Variants in SLC22A24 observed in about 807,000 individuals in gnomAD.
The protein encoded by SLC22A24 is steroid transmembrane transporter SLC22A24.
SLC22A24 carries 53 observed loss-of-function variants against 49.8 expected under a neutral mutation model. The observed-to-expected ratio is 1.06, with a 90% confidence interval of 0.85 to 1.34. The LOEUF is 1.34. SLC22A24 is among the 40% of genes most tolerant of loss of function. The pLI, the probability that SLC22A24 is intolerant of heterozygous loss-of-function variation, is 0.00. For synonymous variants in SLC22A24, 302 were observed against 256.4 expected (o/e 1.18, Z -1.70); for missense variants, 786 against 675.9 (o/e 1.16, Z -1.81).
At chr11:63,109,966 T>A (rs2087150791) in intron 4 of SLC22A24, among the ~76,000 whole-genome samples, 1 of 152,156 alleles carries the variant, frequency 6.6e-6, no homozygotes, top group Non-Finnish European at 1.5e-5. Flanking sequence ...TCTTCTAGGG[T>A]TTTTATGGTT....
In SLC22A24 at chr11:63,083,277, T is replaced by C. The variant is rs1466682511; in HGVS notation, c.1251A>G (p.Gly417=). The C allele has an allele frequency of 2.6e-6, 4 of 1,560,284 alleles. No individual in the cohort carries two copies. The highest frequency in any genetic ancestry group is 3.5e-6 in the Non-Finnish European group (4 of 1,151,136). The part of the protein sequence containing the change: ...ISQILFTFPV[G]LFILVNTFLP... The stretch of plus-strand genomic sequence containing the variant: ...AAAAGGTGTTGACCAGAATGAAAAG[T>C]CCCACCGGGAACGTGAACAATATCT... Residue 417 remains glycine (G), a synonymous_variant, in exon 7 of 10, where the codon GGA becomes GGG. Coordinates refer to ENST00000612278, the MANE Select transcript of SLC22A24 (RefSeq NM_001136506.2).
At chr11:63,095,909 ATGC>A in intron 6 of SLC22A24, 79 bp downstream of exon 6, 1 of 1,032,314 alleles carries the variant, frequency 9.7e-7, no homozygotes, top group Non-Finnish European at 1.5e-6. Flanking sequence ...TGTCCTCCAA[ATGC>A]TGCTGCTAAT....
At chr11:63,125,305 C>T (rs1305826448) in intron 2 of SLC22A24, among the ~76,000 whole-genome samples, 4 of 152,090 alleles carry the variant, frequency 2.6e-5, no homozygotes, top group African/African-American at 7.2e-5. Flanking sequence ...TACTCCTCCC[C>T]TAGCCCTGCA....
intron 4 of SLC22A24, among the ~76,000 whole-genome samples, chr11:63,109,985 A>G (rs1590738240): frequency 1.3e-5 from 2 of 152,134 alleles, no homozygotes; most frequent in East Asian, 3.8e-4. Context: ...TTTTAGATCT[A>G]ACGTTTAAGT....
At chr11:63,115,181 G>A (rs1237791408) in intron 4 of SLC22A24, among the ~76,000 whole-genome samples, 1 of 152,240 alleles carries the variant, frequency 6.6e-6, no homozygotes, top group Non-Finnish European at 1.5e-5. Flanking sequence ...GTGGAATCTA[G>A]AAAGGCAGTA....
At chr11:63,131,518 T>C (rs1283701879) in intron 2 of SLC22A24, among the ~76,000 whole-genome samples, 1 of 152,236 alleles carries the variant, frequency 6.6e-6, no homozygotes, top group East Asian at 1.9e-4. Context: ...AAAGGATTTT[T>C]ATTTCTCCTT....
intron 6 of SLC22A24, among the ~76,000 whole-genome samples, chr11:63,094,975 C>G (rs1157490195): frequency 2.0e-5 from 3 of 151,932 alleles, no homozygotes; most frequent in African/African-American, 7.3e-5. Flanking sequence ...TGCAGAAGCT[C>G]TTTAGTTTAA....
intron 2 of SLC22A24, among the ~76,000 whole-genome samples, chr11:63,120,174 T>G (rs1433859195): frequency 6.6e-6 from 1 of 150,994 alleles, no homozygotes; most frequent in African/African-American, 2.4e-5. Flanking sequence ...GCTTTTGGTG[T>G]TTTAGACATG....
chr11:63,105,295 G>A (rs1295208457), intron 4 of SLC22A24, among the ~76,000 whole-genome samples: 1 of 152,136 alleles, frequency 6.6e-6, no homozygotes, highest in East Asian at 1.9e-4. Context: ...CCAGAGGACA[G>A]TGGCCCCCTT....
intron 2 of SLC22A24, among the ~76,000 whole-genome samples, chr11:63,133,267 C>G (rs1015975499): frequency 2.0e-5 from 3 of 152,184 alleles, no homozygotes; most frequent in African/African-American, 4.8e-5. Context: ...CCTTGCACTT[C>G]CTGGGTGAGG....
At chr11:63,102,050 A>G (rs551224310) in intron 5 of SLC22A24, among the ~76,000 whole-genome samples, 1 of 152,254 alleles carries the variant, frequency 6.6e-6, no homozygotes, top group South Asian at 2.1e-4. Context: ...ACTAAAGTGA[A>G]CAATAATATA....
chr11:63,125,042 A>G lies in SLC22A24; in HGVS notation c.507-5707T>C, dbSNP rs531813694. On this transcript the variant is annotated intron_variant, in intron 2 of 9. Coordinates refer to ENST00000612278, the MANE Select transcript of SLC22A24 (RefSeq NM_001136506.2). Reference sequence around the variant, plus strand: ...TGGGTGCAGCACACCAGCATGGCACATGTATACATATGTAACTAACCTGCA... The same window carrying G: ...TGGGTGCAGCACACCAGCATGGCACGTGTATACATATGTAACTAACCTGCA... 7.3e-4 allele frequency among the ~76,000 whole-genome samples: 111 copies of G among 152,172 alleles called. 1 individual carries two copies. The highest frequency in any genetic ancestry group is 2.6e-3 in the African/African-American group (107 of 41,520).
At position 63,097,231 on chromosome 11, in the gene SLC22A24, G is replaced by GA. The variant is rs5792276; in HGVS notation, c.955-1126dup. 3.5e-4 allele frequency among the ~76,000 whole-genome samples: 52 copies of GA among 149,976 alleles called. 1 individual carries two copies. In the South Asian group the frequency reaches 9.9e-3, roughly 29 times the overall value. ...ACAAGGAACTTAAACAAATTTACAAGAAAAAAAAAACAACCCCATCAAAAA... is the reference window on the plus strand; with the variant it reads ...ACAAGGAACTTAAACAAATTTACAAGAAAAAAAAAAACAACCCCATCAAAAA... On this transcript the variant is annotated intron_variant, in intron 5 of 9. Transcript: ENST00000612278.
chr11:63,101,375 A>G (rs2087089781), intron 5 of SLC22A24, among the ~76,000 whole-genome samples: 1 of 152,062 alleles, frequency 6.6e-6, no homozygotes, highest in South Asian at 2.1e-4. Context: ...GTTGCATATA[A>G]TATTACACTA....
intron 6 of SLC22A24, among the ~76,000 whole-genome samples, chr11:63,088,371 A>ACAACATCATCAT (rs1555045471): frequency 6.6e-6 from 1 of 151,016 alleles, no homozygotes; most frequent in Non-Finnish European, 1.5e-5. Context: ...ACAGAAAGCT[A>ACAACATCATCAT]CAACATCAAC....
At chr11:63,114,718 T>C (rs1420620568) in intron 4 of SLC22A24, among the ~76,000 whole-genome samples, 3 of 152,242 alleles carry the variant, frequency 2.0e-5, no homozygotes, top group Non-Finnish European at 2.9e-5. Flanking sequence ...TCTTTGATTT[T>C]GGTGACCTAC....
intron 2 of SLC22A24, 91 bp downstream of exon 2, chr11:63,134,574 T>C (rs2087359400): frequency 5.3e-6 from 4 of 759,512 alleles, no homozygotes; most frequent in Non-Finnish European, 8.8e-6. Context: ...CAATGCAAAG[T>C]ATACAGTAAG....
At chr11:63,119,614 G>A (rs1291787563) in intron 2 of SLC22A24, among the ~76,000 whole-genome samples, 2 of 152,140 alleles carry the variant, frequency 1.3e-5, no homozygotes, top group African/African-American at 4.8e-5. Flanking sequence ...AATATGGGAA[G>A]TTGTCCCATA....
At chr11:63,086,530 A>G (rs968609807) in intron 6 of SLC22A24, among the ~76,000 whole-genome samples, 2 of 152,196 alleles carry the variant, frequency 1.3e-5, no homozygotes, top group African/African-American at 4.8e-5. Context: ...AATAATCTGT[A>G]CAACAAACCT....
Sources: allele counts gnomAD v4.1 joint callset (sites outside exome capture counted in the v4.1 genomes callset), GRCh38; gene constraint gnomAD v4.1.1; transcripts MANE v1.5; gene names NCBI Gene and HGNC (gene_info 2026-07-23, HGNC 2026-07-21).